CBLB: variants seen among roughly 807,000 people sequenced by gnomAD.
The protein encoded by CBLB is E3 ubiquitin-protein ligase CBL-B.
In CBLB, 31 loss-of-function variants were observed where a neutral mutation model predicts 104.9. That is an observed-to-expected ratio of 0.30 (90% CI 0.22 to 0.40). The LOEUF is 0.40. Among genes scored for constraint, CBLB ranks in the 10% least tolerant of loss-of-function variants. CBLB has a pLI of 1.00. For missense variants in CBLB, 1,062 were observed against 1,214.6 expected (o/e 0.87, Z 1.87); for synonymous variants, 440 against 422.6 (o/e 1.04, Z -0.51).
chr3:105,845,006 G>A (rs2090045976), intron 3 of CBLB, among the ~76,000 whole-genome samples: 1 of 152,038 alleles, frequency 6.6e-6, no homozygotes, highest in Non-Finnish European at 1.5e-5. Context: ...ACTAAAAGCA[G>A]GCATTCTTTC....
chr3:105,818,439 T>G (rs2085357583), intron 3 of CBLB, among the ~76,000 whole-genome samples: 1 of 152,176 alleles, frequency 6.6e-6, no homozygotes, highest in Non-Finnish European at 1.5e-5. Context: ...TTAATAATAT[T>G]CCCTACTGAA....
chr3:105,833,576 G>A (rs561016507), intron 3 of CBLB, among the ~76,000 whole-genome samples: 1 of 151,984 alleles, frequency 6.6e-6, no homozygotes, highest in Non-Finnish European at 1.5e-5. Flanking sequence ...AAGAAATGCT[G>A]TTAGTATTTA....
intron 14 of CBLB, among the ~76,000 whole-genome samples, chr3:105,683,853 G>A (rs2066643782): frequency 6.6e-6 from 1 of 152,086 alleles, no homozygotes; most frequent in Admixed American, 6.5e-5. Flanking sequence ...AAAAAATAAA[G>A]TCCTGCGCTG....
chr3:105,689,335 G>C (rs2067385985), intron 13 of CBLB, among the ~76,000 whole-genome samples: 1 of 150,790 alleles, frequency 6.6e-6, no homozygotes, highest in Non-Finnish European at 1.5e-5. Flanking sequence ...TATATTATAA[G>C]AATATATATT....
chr3:105,868,133 CCA>C, intron 1 of CBLB: 2 of 943,386 alleles, frequency 2.1e-6, no homozygotes, highest in Non-Finnish European at 1.4e-6. Flanking sequence ...AGGGCATGTC[CCA>C]CACTAAAACC....
chr3:105,711,506 C>G (rs981462150), intron 10 of CBLB, among the ~76,000 whole-genome samples: 1 of 152,034 alleles, frequency 6.6e-6, no homozygotes, highest in Non-Finnish European at 1.5e-5. Context: ...TGCTTACACA[C>G]ATACTCACAT....
At chr3:105,840,208 T>C (rs2153094835) in intron 3 of CBLB, among the ~76,000 whole-genome samples, 1 of 152,324 alleles carries the variant, frequency 6.6e-6, no homozygotes, top group Non-Finnish European at 1.5e-5. Context: ...TTACTTCCTT[T>C]TTAAAAATCT....
At chr3:105,786,062 G>GGGGT (rs1553794642) in intron 3 of CBLB, among the ~76,000 whole-genome samples, 4 of 10,164 alleles carry the variant, frequency 3.9e-4, no homozygotes, top group Non-Finnish European at 6.1e-4. Context: ...TGAGAGGATC[G>GGGGT]GGGGGGGGAA....
chr3:105,846,837 C>T (rs1473278346), intron 3 of CBLB, among the ~76,000 whole-genome samples: 2 of 152,066 alleles, frequency 1.3e-5, no homozygotes, highest in Admixed American at 1.3e-4. Flanking sequence ...AAAACTACCA[C>T]TTAAAGCACA....
Position 105,658,724 on chromosome 3 carries a change from CT to C in CBLB, c.*245del. 1 of 545,686 alleles carries C rather than the reference CT, an allele frequency of 1.8e-6. No individual in the cohort carries two copies. The highest frequency in any genetic ancestry group is 2.6e-5 in the South Asian group (1 of 39,192). The allele number at this position is 545,686 out of a possible 1,614,324, so 33.8% of individuals were successfully genotyped here. Reference sequence around the variant, plus strand: ...TTCAAAGTTCAAGGGAAGTAAACGTCTTTAAATTATTTTTGTCAGTTCAACC... The same window carrying C: ...TTCAAAGTTCAAGGGAAGTAAACGTCTTAAATTATTTTTGTCAGTTCAACC... On this transcript the variant is annotated 3_prime_UTR_variant, in exon 19 of 19. Transcript: ENST00000394030.
At chr3:105,690,389 T>C (rs1576363395) in intron 13 of CBLB, among the ~76,000 whole-genome samples, 1 of 152,248 alleles carries the variant, frequency 6.6e-6, no homozygotes, top group Non-Finnish European at 1.5e-5. Context: ...TATTGTCAGG[T>C]TTGCCATCAG....
intron 18 of CBLB, among the ~76,000 whole-genome samples, chr3:105,665,408 AATAAATAAATATAT>A (rs1305843433): frequency 0.038 from 1,936 of 51,528 alleles, 64 homozygotes; most frequent in African/African-American, 0.12. Context: ...TAAATAAATA[AATAAATAAATATAT>A]ATATATATAT....
Position 105,720,233 on chromosome 3 carries a change from G to T in CBLB, c.1221C>A (p.Gly407=). 1 of 1,613,060 alleles carries T rather than the reference G, an allele frequency of 6.2e-7. No individual in the cohort carries two copies. Among genetic ancestry groups the T allele is most frequent in the Non-Finnish European group, 8.5e-7 (1 of 1,179,610 alleles). Residue 407 remains glycine, a synonymous_variant, in exon 10 of 19, where the codon GGC becomes GGA. Coordinates refer to ENST00000394030, the MANE Select transcript of CBLB (RefSeq NM_170662.5). Reference sequence around the variant, plus strand: ...TTATTTCACAACGACAGAAAGGGCAGCCCTGACCATCCGACTCCTAAACAA... The same window carrying T: ...TTATTTCACAACGACAGAAAGGGCATCCCTGACCATCCGACTCCTAAACAA... ...LTAWQESDGQ[G]CPFCRCEIKG...
intron 3 of CBLB, among the ~76,000 whole-genome samples, chr3:105,807,335 T>TC (rs1449451419): frequency 6.6e-6 from 1 of 152,174 alleles, no homozygotes; most frequent in Non-Finnish European, 1.5e-5. Context: ...GATGGGAGGA[T>TC]CACCTGAGCC....
At chr3:105,719,973 C>T in intron 10 of CBLB, 74 bp downstream of exon 10, 2 of 1,117,600 alleles carry the variant, frequency 1.8e-6, no homozygotes, top group Non-Finnish European at 2.7e-6. Context: ...CTGAGTCATA[C>T]TCCATTTATG....
At chr3:105,715,950 A>G (rs2071796125) in intron 10 of CBLB, among the ~76,000 whole-genome samples, 2 of 152,170 alleles carry the variant, frequency 1.3e-5, no homozygotes, top group African/African-American at 4.8e-5. Flanking sequence ...GAGACAGAAA[A>G]ATCACTTGAA....
intron 3 of CBLB, among the ~76,000 whole-genome samples, chr3:105,791,765 TG>T (rs2081667728): frequency 6.6e-6 from 1 of 152,214 alleles, no homozygotes; most frequent in South Asian, 2.1e-4. Flanking sequence ...CAGTACCACA[TG>T]GGGATATCTG....
intron 9 of CBLB, among the ~76,000 whole-genome samples, chr3:105,723,570 A>C (rs989619704): frequency 6.6e-6 from 1 of 152,056 alleles, no homozygotes; most frequent in Non-Finnish European, 1.5e-5. Flanking sequence ...TTAAAATATA[A>C]CTTTAGGTAA....
intron 9 of CBLB, among the ~76,000 whole-genome samples, chr3:105,729,221 A>C (rs567540086): frequency 6.6e-5 from 10 of 152,274 alleles, no homozygotes; most frequent in African/African-American, 2.4e-4. Context: ...ACTCATTTTA[A>C]GTAATTATTA....
Sources: allele counts gnomAD v4.1 joint callset (sites outside exome capture counted in the v4.1 genomes callset), GRCh38; gene constraint gnomAD v4.1.1; transcripts MANE v1.5; gene names NCBI Gene and HGNC (gene_info 2026-07-23, HGNC 2026-07-21).